The following PAX2 variants were observed in gnomAD, a reference collection of about 807,000 sequenced individuals.
PAX2 encodes paired box 2, also known as paired box protein Pax-2.
In PAX2, 9 loss-of-function variants were observed where a neutral mutation model predicts 41.7. The ratio of observed to expected loss-of-function variants is 0.22; its 90% CI spans 0.13 to 0.38. The LOEUF (loss-of-function observed/expected upper bound fraction) is 0.38, where lower values mean the gene tolerates loss of function less well. Among genes scored for constraint, PAX2 ranks in the 10% least tolerant of loss-of-function variants. The pLI is 1.00. For missense variants in PAX2, 418 were observed against 531.6 expected, an observed-to-expected ratio of 0.79 and a Z score of 2.10; for synonymous variants, 221 against 212.7, an observed-to-expected ratio of 1.04 and a Z score of -0.34.
chr10:100,793,569 T>C (rs974934775), intron 5 of PAX2, among the ~76,000 whole-genome samples: 3 of 152,222 alleles, frequency 2.0e-5, no homozygotes, highest in African/African-American at 7.2e-5. Flanking sequence ...GGAGCTAAGT[T>C]ATTCAAAGTG....
intron 5 of PAX2, among the ~76,000 whole-genome samples, chr10:100,789,140 CTTG>C (rs1847000371): frequency 6.6e-6 from 1 of 152,132 alleles, no homozygotes; most frequent in African/African-American, 2.4e-5. Context: ...AAGTTTCACT[CTTG>C]TTGCCCAAGC....
intron 3 of PAX2, among the ~76,000 whole-genome samples, chr10:100,753,226 A>G (rs1050724629): frequency 1.3e-5 from 2 of 152,106 alleles, no homozygotes. Flanking sequence ...ACTATTCCCA[A>G]TTTTGCTTTT....
At position 100,824,397 on chromosome 10, in the gene PAX2, A is replaced by ACACACAC. The variant is rs1848476292; in HGVS notation, c.920-251_920-250insCACACAC. Among the ~76,000 whole-genome samples, 2 of 75,422 alleles carry ACACACAC rather than the reference A, an allele frequency of 2.7e-5. No individual in the cohort carries two copies. Among genetic ancestry groups the ACACACAC allele is most frequent in the Admixed American group, 1.3e-4 (1 of 7,828 alleles). 49.5% of individuals were successfully genotyped at this position (75,422 alleles called of 152,430 possible). On this transcript the variant is annotated intron_variant, in intron 7 of 9. Coordinates refer to ENST00000355243, the MANE Select transcript of PAX2 (RefSeq NM_000278.5). This position sits in a 1 kb window ranked among gnomAD's most constrained non-coding sequence, Gnocchi z 6.6. Reference sequence around the variant, plus strand: ...ACACACACACACACACACACACACAAATACACAGAGACACAAAGAGCTACA... The same window carrying ACACACAC: ...ACACACACACACACACACACACACAACACACACATACACAGAGACACAAAGAGCTACA...
intron 5 of PAX2, among the ~76,000 whole-genome samples, chr10:100,782,389 C>T (rs1589849558): frequency 6.6e-6 from 1 of 152,254 alleles, no homozygotes; most frequent in East Asian, 1.9e-4. Flanking sequence ...TCAAAAATGT[C>T]GTGTTTGGAC....
At chr10:100,808,942 G>T (rs999023504) in intron 6 of PAX2, among the ~76,000 whole-genome samples, 168 bp from the exon 7 acceptor site, 1 of 152,136 alleles carries the variant, frequency 6.6e-6, no homozygotes, top group Non-Finnish European at 1.5e-5. Flanking sequence ...TCTACTACCC[G>T]CACAAAACTT....
chr10:100,780,714 G>A (rs1846585307), intron 4 of PAX2, among the ~76,000 whole-genome samples: 1 of 152,158 alleles, frequency 6.6e-6, no homozygotes, highest in South Asian at 2.1e-4. Flanking sequence ...GTGTCTCCTG[G>A]AGAATCAGAG....
rs12260903 is a variant in PAX2 at position 100,756,302 on chromosome 10, G to A, written c.410+5411G>A. Among the ~76,000 whole-genome samples, 679 of 152,262 alleles carry A rather than the reference G, an allele frequency of 4.5e-3. 4 individuals carry two copies. Among genetic ancestry groups the A allele is most frequent in the African/African-American group, 0.016 (660 of 41,526 alleles). The stretch of plus-strand genomic sequence containing the variant: ...ATTGTCCGCTCCCAGCTTCTTAGGT[G>A]TCCAACAATAGCTACTCTGCAGGTT... On this transcript the variant is annotated intron_variant, in intron 3 of 9. Coordinates refer to ENST00000355243, the MANE Select transcript of PAX2 (RefSeq NM_000278.5).
chr10:100,802,448 A>C (rs1044717715), intron 5 of PAX2, among the ~76,000 whole-genome samples: 1 of 152,160 alleles, frequency 6.6e-6, no homozygotes, highest in Non-Finnish European at 1.5e-5. Context: ...TGTTGCTGAG[A>C]GTGGAAAAGG....
In PAX2 at chr10:100,746,323, T is replaced by C. The variant is rs369400726; in HGVS notation, c.43+20T>C. Reference sequence around the variant, plus strand: ...TGCACCGTGAGTACCGGCGCCCGGCTCCTGTCCCGGCTCGGGGCTCTCCGT... The same window carrying C: ...TGCACCGTGAGTACCGGCGCCCGGCCCCTGTCCCGGCTCGGGGCTCTCCGT... On this transcript the variant is annotated intron_variant, in intron 1 of 9. Coordinates refer to ENST00000355243, the MANE Select transcript of PAX2 (RefSeq NM_000278.5). 22 of 1,533,308 alleles carry C rather than the reference T, an allele frequency of 1.4e-5. No homozygotes were observed. Among genetic ancestry groups the C allele is most frequent in the Non-Finnish European group, 1.9e-5 (21 of 1,106,314 alleles). The allele number at this position is 1,533,308 out of a possible 1,614,324, so 95.0% of individuals were successfully genotyped here.
intron 7 of PAX2, among the ~76,000 whole-genome samples, chr10:100,823,497 T>C (rs1382427570): frequency 1.3e-5 from 2 of 152,192 alleles, no homozygotes; most frequent in East Asian, 1.9e-4. Context: ...ATAATGACTA[T>C]GGCCCAGCTG....
intron 1 of PAX2, among the ~76,000 whole-genome samples, chr10:100,738,538 A>T (rs763942969): frequency 6.6e-6 from 1 of 152,162 alleles, no homozygotes; most frequent in Non-Finnish European, 1.5e-5. Context: ...CCTCATCCAG[A>T]CGCTCAGCCC....
At chr10:100,759,493 G>A (rs778832549) in intron 3 of PAX2, among the ~76,000 whole-genome samples, 2 of 152,134 alleles carry the variant, frequency 1.3e-5, no homozygotes, top group Non-Finnish European at 2.9e-5. Context: ...AAGGGAGGGA[G>A]GCAGGCCCCT....
chr10:100,760,502 A>G (rs1845800636), intron 3 of PAX2, among the ~76,000 whole-genome samples: 1 of 152,160 alleles, frequency 6.6e-6, no homozygotes, highest in Admixed American at 6.5e-5. Context: ...GCTTATGAGT[A>G]GTGTGCATTT....
At chr10:100,796,702 A>T (rs1033200034) in intron 5 of PAX2, among the ~76,000 whole-genome samples, 5 of 152,132 alleles carry the variant, frequency 3.3e-5, no homozygotes, top group Admixed American at 6.5e-5. Flanking sequence ...TTCAGTTCAG[A>T]TTCTGCCCTG....
At chr10:100,808,116 G>A (rs1847858990) in intron 6 of PAX2, among the ~76,000 whole-genome samples, 1 of 152,150 alleles carries the variant, frequency 6.6e-6, no homozygotes, top group African/African-American at 2.4e-5. Flanking sequence ...GAAACTCGGA[G>A]CAGGGCCCAT....
intron 5 of PAX2, among the ~76,000 whole-genome samples, chr10:100,785,162 G>T (rs894222981): frequency 2.6e-5 from 4 of 152,214 alleles, no homozygotes; most frequent in East Asian, 1.9e-4. Flanking sequence ...GTGTGAGCTG[G>T]TTTATGTGGC....
chr10:100,740,333 A>T (rs1844908798), intron 1 of PAX2, among the ~76,000 whole-genome samples: 1 of 151,530 alleles, frequency 6.6e-6, no homozygotes, highest in African/African-American at 2.4e-5. Context: ...TGCAGTTGGG[A>T]GGGGGGTGCA....
At chr10:100,756,951 C>T (rs1039154731) in intron 3 of PAX2, among the ~76,000 whole-genome samples, 2 of 152,208 alleles carry the variant, frequency 1.3e-5, no homozygotes, top group African/African-American at 4.8e-5. Flanking sequence ...AATAGAGTCT[C>T]ACAACCAATG....
intron 5 of PAX2, among the ~76,000 whole-genome samples, chr10:100,801,207 C>G (rs1847551866): frequency 6.6e-6 from 1 of 152,194 alleles, no homozygotes; most frequent in South Asian, 2.1e-4. Flanking sequence ...CTCGCTTCAC[C>G]TGCACCTCAT....
Sources: gnomAD v4.1 joint callset for allele counts (sites outside exome capture counted in the v4.1 genomes callset) on GRCh38, gnomAD v4.1.1 for gene constraint, Gnocchi (gnomAD v3.1) non-coding constraint, MANE v1.5 for transcripts, NCBI Gene and HGNC (gene_info 2026-07-23, HGNC 2026-07-21) for gene names.